Variants in SEC22A observed in about 807,000 individuals in gnomAD.
The protein encoded by SEC22A is vesicle-trafficking protein SEC22a.
In SEC22A, 22 loss-of-function variants were observed where a neutral mutation model predicts 35.3. The ratio of observed to expected loss-of-function variants is 0.62; its 90% CI spans 0.45 to 0.89. The LOEUF (loss-of-function observed/expected upper bound fraction) is 0.89. Ranked by LOEUF, SEC22A falls within the 40% of genes least tolerant of loss-of-function variation. The pLI, the probability that SEC22A is intolerant of heterozygous loss-of-function variation, is 0.00. For missense variants in SEC22A, 354 were observed against 362.5 expected (o/e 0.98, Z 0.19); for synonymous variants, 119 against 129.5 (o/e 0.92, Z 0.55).
At chr3:123,233,056 G>C (rs959678680) in intron 4 of SEC22A, among the ~76,000 whole-genome samples, 4 of 152,134 alleles carry the variant, frequency 2.6e-5, no homozygotes, top group Non-Finnish European at 5.9e-5. Flanking sequence ...TTTGAGCCCA[G>C]GAGTTTGAGG....
chr3:123,251,060 A>AT (rs145239274), intron 5 of SEC22A, among the ~76,000 whole-genome samples: 29,890 of 152,180 alleles, frequency 0.2, 3,051 homozygotes, highest in Middle Eastern at 0.27. Flanking sequence ...TAATTAGTAG[A>AT]TTTTAAGCAA....
chr3:123,265,717 G>A (rs964415408), intron 6 of SEC22A, among the ~76,000 whole-genome samples: 14 of 151,936 alleles, frequency 9.2e-5, no homozygotes, highest in Non-Finnish European at 1.5e-4. Flanking sequence ...GTTAATTTTT[G>A]TATGAGATGT....
chr3:123,265,066 A>G (rs1256953779), intron 6 of SEC22A, among the ~76,000 whole-genome samples: 2 of 152,200 alleles, frequency 1.3e-5, no homozygotes, highest in Non-Finnish European at 2.9e-5. Context: ...CCATGGATTG[A>G]AAATATTTGG....
chr3:123,237,069 A>G (rs753161670), intron 4 of SEC22A, among the ~76,000 whole-genome samples: 2 of 152,198 alleles, frequency 1.3e-5, no homozygotes, highest in African/African-American at 2.4e-5. Context: ...TGTTAGTATA[A>G]CACATGAAAG....
intron 5 of SEC22A, among the ~76,000 whole-genome samples, chr3:123,258,776 GA>G (rs983113318): frequency 2.7e-5 from 4 of 148,960 alleles, no homozygotes; most frequent in Admixed American, 2.0e-4. Context: ...CTGCCTGGAA[GA>G]AAAAAAAATG....
chr3:123,209,070 GGTGTGA>G (rs1321591702), intron 1 of SEC22A, 123 bp from the exon 2 acceptor site: 2 of 675,450 alleles, frequency 3.0e-6, no homozygotes, highest in Non-Finnish European at 5.1e-6. Context: ...TGGGATTACA[GGTGTGA>G]GCCACCACAC....
chr3:123,255,351 C>CT (rs1937705654), intron 5 of SEC22A, among the ~76,000 whole-genome samples: 1 of 151,994 alleles, frequency 6.6e-6, no homozygotes, highest in African/African-American at 2.4e-5. Flanking sequence ...TCCACCTGTC[C>CT]TTTACATAGT....
Position 123,209,345 on chromosome 3 carries a change from A to C in SEC22A, c.128A>C (p.Lys43Thr). 1.2e-6 allele frequency: 2 copies of C among 1,614,066 alleles called. No homozygotes were observed. The highest frequency in any genetic ancestry group is 1.7e-6 in the Non-Finnish European group (2 of 1,179,958). ...CRKYFKMLSR[K>T]LAQLPDRCTL... ...AAGTATTTTAAAATGCTTTCGAGGA[A>C]ACTTGCTCAACTTCCTGATAGATGT... Residue 43 changes from lysine to threonine, a missense_variant, in exon 2 of 7, where the codon AAA becomes ACA. Physicochemically the swap from Lys to Thr is moderately conservative, Grantham distance 78 (BLOSUM62 -1). Transcript: ENST00000492595.
intron 5 of SEC22A, among the ~76,000 whole-genome samples, chr3:123,250,116 TA>T (rs1285427121): frequency 1.3e-5 from 2 of 152,036 alleles, no homozygotes; most frequent in Non-Finnish European, 2.9e-5. Context: ...TTCTCCATAA[TA>T]AGAAGTTGGA....
intron 2 of SEC22A, among the ~76,000 whole-genome samples, chr3:123,211,488 C>T (rs1352712691): frequency 6.6e-6 from 1 of 152,030 alleles, no homozygotes; most frequent in Non-Finnish European, 1.5e-5. Context: ...GACACTGGGG[C>T]TTGCTCTGTT....
At chr3:123,260,831 TTC>T (rs1354241480) in intron 6 of SEC22A, among the ~76,000 whole-genome samples, 1 of 132,848 alleles carries the variant, frequency 7.5e-6, no homozygotes, top group Non-Finnish European at 1.6e-5. Context: ...TCACTTGATT[TTC>T]TTTTTCTTTT....
intron 4 of SEC22A, among the ~76,000 whole-genome samples, chr3:123,227,605 TA>T (rs557366783): frequency 1.6e-3 from 236 of 152,092 alleles, no homozygotes; most frequent in African/African-American, 5.2e-3. Context: ...TAAAGTATAA[TA>T]AAAAAAGAAA....
At chr3:123,219,579 G>A (rs1937088325) in intron 2 of SEC22A, among the ~76,000 whole-genome samples, 1 of 152,108 alleles carries the variant, frequency 6.6e-6, no homozygotes, top group Non-Finnish European at 1.5e-5. Context: ...AGATAATAGT[G>A]CCCCTTTATT....
At chr3:123,229,327 A>G (rs1409315944) in intron 4 of SEC22A, among the ~76,000 whole-genome samples, 1 of 152,260 alleles carries the variant, frequency 6.6e-6, no homozygotes, top group Non-Finnish European at 1.5e-5. Context: ...ACCAAAACTC[A>G]TCACTTACAG....
In SEC22A at chr3:123,204,022, C is replaced by T. The variant is rs1254176083; in HGVS notation, c.-20+2036C>T. On this transcript the variant is annotated intron_variant, in intron 1 of 6. Transcript: ENST00000492595. ...GGCGGAAATTCCATCCCCTTTATCA[C>T]CCACTCTATCCCCCACCCTCAGCGA... Among the ~76,000 whole-genome samples the T allele has an allele frequency of 2.0e-5, 3 of 152,142 alleles. No individual in the cohort carries two copies. The East Asian group carries it at 5.8e-4, about 29-fold the overall frequency.
intron 2 of SEC22A, among the ~76,000 whole-genome samples, chr3:123,222,223 A>T (rs937828023): frequency 6.6e-6 from 1 of 151,216 alleles, no homozygotes; most frequent in African/African-American, 2.4e-5. Context: ...TTTTAGACAG[A>T]GTCTCTCTCT....
chr3:123,249,048 A>G lies in SEC22A; in HGVS notation c.657+3034A>G, dbSNP rs78363434. Among the ~76,000 whole-genome samples the G allele has an allele frequency of 6.7e-3, 1,027 of 152,320 alleles. 12 individuals are homozygous for G. Among genetic ancestry groups the G allele is most frequent in the African/African-American group, 0.023 (955 of 41,578 alleles). ...TCCCACAACCCCCTCCTTGGATTCA[A>G]TAATCTACTAGAATGGTTCACAGAA... On this transcript the variant is annotated intron_variant, in intron 5 of 6. Transcript: ENST00000492595.
intron 4 of SEC22A, among the ~76,000 whole-genome samples, chr3:123,235,219 C>A (rs905933387): frequency 4.6e-5 from 7 of 152,066 alleles, no homozygotes; most frequent in African/African-American, 1.7e-4. Context: ...GTTCTTCGAA[C>A]GACACTATTA....
chr3:123,235,640 A>G (rs181338175), intron 4 of SEC22A, among the ~76,000 whole-genome samples: 331 of 152,366 alleles, frequency 2.2e-3, no homozygotes, highest in African/African-American at 7.6e-3. Flanking sequence ...CAAAAAGTTA[A>G]AAAGAGTCAC....
Sources: allele counts gnomAD v4.1 joint callset (sites outside exome capture counted in the v4.1 genomes callset), GRCh38; gene constraint gnomAD v4.1.1; transcripts MANE v1.5; gene names NCBI Gene and HGNC (gene_info 2026-07-23, HGNC 2026-07-21).